PTPRS: variants seen among roughly 807,000 people sequenced by gnomAD.
PTPRS encodes the protein protein tyrosine phosphatase receptor type S, also known as receptor-type tyrosine-protein phosphatase S.
In PTPRS, 63 loss-of-function variants were observed where a neutral mutation model predicts 215.3. The observed-to-expected ratio is 0.29, with a 90% CI of 0.24 to 0.36. The LOEUF (loss-of-function observed/expected upper bound fraction) is 0.36, where lower values mean the gene tolerates loss of function less well. Among genes scored for constraint, PTPRS ranks in the 10% least tolerant of loss-of-function variants. PTPRS has a pLI of 1.00. For synonymous variants in PTPRS, 1,404 were observed against 1,191.4 expected (o/e 1.18, Z -3.68); for missense variants, 2,258 against 2,825.8 (o/e 0.80, Z 4.56).
At chr19:5,298,447 CA>C (rs540547501) in intron 1 of PTPRS, among the ~76,000 whole-genome samples, 88 of 152,374 alleles carry the variant, frequency 5.8e-4, no homozygotes, top group African/African-American at 1.9e-3. Context: ...CCAAAACCCC[CA>C]GACATTTCAT....
intron 4 of PTPRS, among the ~76,000 whole-genome samples, chr19:5,267,740 C>T (rs1034863): frequency 0.18 from 25,864 of 139,902 alleles, 3,274 homozygotes; most frequent in African/African-American, 0.36. Context: ...TCCACTCCAA[C>T]GGACAAGTGA....
intron 1 of PTPRS, among the ~76,000 whole-genome samples, chr19:5,324,875 T>G (rs2050129158): frequency 6.6e-6 from 1 of 152,148 alleles, no homozygotes; most frequent in Non-Finnish European, 1.5e-5. Context: ...ACTTCGAGTC[T>G]GGGGTCTCTG....
chr19:5,305,283 T>C (rs1295201744), intron 1 of PTPRS, among the ~76,000 whole-genome samples: 3 of 152,146 alleles, frequency 2.0e-5, no homozygotes, highest in Non-Finnish European at 4.4e-5. Context: ...TGGTGGCTCA[T>C]GCCTGTGATC....
In PTPRS at chr19:5,262,104, G is replaced by A. The variant is rs1372483557; in HGVS notation, c.577+860C>T. 5.9e-5 allele frequency among the ~76,000 whole-genome samples: 9 copies of A among 152,174 alleles called. No homozygotes were observed. In the South Asian group the frequency reaches 1.2e-3, roughly 21 times the overall value. Reference sequence around the variant, plus strand: ...AGCCTGGCCAACATGGTGAAACCCCGTCTCTACTAAAAATACAAAAATTAG... The same window carrying A: ...AGCCTGGCCAACATGGTGAAACCCCATCTCTACTAAAAATACAAAAATTAG... On this transcript the variant is annotated intron_variant, in intron 6 of 37. Transcript: ENST00000262963.
chr19:5,307,663 T>C (rs2049543076), intron 1 of PTPRS, among the ~76,000 whole-genome samples: 2 of 152,238 alleles, frequency 1.3e-5, no homozygotes. Context: ...ACGAGCCGTA[T>C]GTGGCTGTTT....
At position 5,223,209 on chromosome 19, in the gene PTPRS, G is replaced by C; in HGVS notation, c.2583C>G (p.Asp861Glu). ...ACTGCAGGCGGTAGCCCAGCACCTG[G>C]TCCTCCGCGGTGCCAGCCGGGGGCT... Reference protein sequence around the residue: ...RWEPPAGTAEDQVLGYRLQFG... With the variant: ...RWEPPAGTAEEQVLGYRLQFG... The change falls in exon 18 of 38, where the codon GAC (aspartate) becomes GAG (glutamate). Residue 861 changes from aspartate to glutamate, a missense_variant. By Grantham distance (45) the Asp-to-Glu change is conservative (BLOSUM62 2). Around this residue, in one of 6 missense-constraint regions of PTPRS, gnomAD observed 361 missense variants for 332.6 expected, o/e 1.09. Coordinates refer to ENST00000262963, the MANE Select transcript of PTPRS (RefSeq NM_002850.4). The C allele has an allele frequency of 6.6e-7, 1 of 1,516,268 alleles. No individual in the cohort carries two copies. 93.9% of individuals were successfully genotyped at this position (1,516,268 alleles called of 1,614,324 possible).
intron 16 of PTPRS, 48 bp downstream of exon 16, chr19:5,229,268 C>T: frequency 2.2e-6 from 3 of 1,364,368 alleles, no homozygotes; most frequent in South Asian, 2.2e-5. Flanking sequence ...ACAGCACGGC[C>T]CGCGGGAAGC....
At chr19:5,229,983 C>T (rs1293816365) in intron 14 of PTPRS, among the ~76,000 whole-genome samples, 1 of 152,008 alleles carries the variant, frequency 6.6e-6, no homozygotes, top group Admixed American at 6.6e-5. Flanking sequence ...CCATCCTCAT[C>T]ATAACCCTGC....
chr19:5,262,909 G>T, intron 6 of PTPRS, 55 bp downstream of exon 6: 2 of 1,524,840 alleles, frequency 1.3e-6, no homozygotes, highest in East Asian at 2.3e-5. Context: ...GGAGCAGAAG[G>T]GGCACAAAGG....
chr19:5,219,111 C>G (rs1430574877), intron 23 of PTPRS, 199 bp downstream of exon 23: 1 of 740,756 alleles, frequency 1.3e-6, no homozygotes, highest in Non-Finnish European at 2.2e-6. Context: ...AGAAGCCAAG[C>G]CACTGGCCTG....
At chr19:5,303,635 T>C (rs999685889) in intron 1 of PTPRS, among the ~76,000 whole-genome samples, 1 of 151,182 alleles carries the variant, frequency 6.6e-6, no homozygotes, top group Non-Finnish European at 1.5e-5. Flanking sequence ...GCAGAGTGAG[T>C]GAGCAGGGGC....
intron 1 of PTPRS, among the ~76,000 whole-genome samples, chr19:5,328,911 G>A (rs1002733626): frequency 2.6e-5 from 4 of 152,148 alleles, no homozygotes; most frequent in Non-Finnish European, 4.4e-5. Context: ...GTGAGCTGCC[G>A]AGGCAGGGCT....
At chr19:5,220,951 G>C in intron 20 of PTPRS, 49 bp downstream of exon 20, 1 of 1,561,880 alleles carries the variant, frequency 6.4e-7, no homozygotes, top group Non-Finnish European at 8.7e-7. Context: ...CAGCCATATA[G>C]TAGGCTGATG....
chr19:5,302,807 C>T (rs1392689762), intron 1 of PTPRS, among the ~76,000 whole-genome samples: 1 of 151,426 alleles, frequency 6.6e-6, no homozygotes, highest in Non-Finnish European at 1.5e-5. Context: ...CCTGTAATCC[C>T]AGCACTTTGG....
rs1405091584 is a variant in PTPRS at position 5,244,168 on chromosome 19, C to T, written c.1303G>A (p.Ala435Thr). The change falls in exon 11 of 38, where the codon GCC becomes ACC. Residue 435 changes from alanine to threonine, a missense_variant. By Grantham distance (58) the Ala-to-Thr change is moderately conservative (BLOSUM62 0). Around this residue, in one of 6 missense-constraint regions of PTPRS, gnomAD observed 508 missense variants for 799.4 expected, o/e 0.64. Coordinates refer to ENST00000262963, the MANE Select transcript of PTPRS (RefSeq NM_002850.4). The surrounding 1 kb of genome is among the most constrained non-coding windows in gnomAD (Gnocchi z 7.2). ...ATGGTGGTCGCGCTGAGCATCCGGG[C>T]TTGCACGTTCCGCGGCGCGCTGGCC... ...APASAPRNVQARMLSATTMIV... is the reference protein window; with the variant it reads ...APASAPRNVQTRMLSATTMIV... 18 of 1,600,070 alleles carry T rather than the reference C, an allele frequency of 1.1e-5. No homozygotes were observed. The highest frequency in any genetic ancestry group is 2.2e-5 in the East Asian group (1 of 44,728).
intron 37 of PTPRS, among the ~76,000 whole-genome samples, chr19:5,207,121 G>T (rs2040430978): frequency 6.6e-6 from 1 of 152,234 alleles, no homozygotes; most frequent in South Asian, 2.1e-4. Context: ...GTCTCGCTGT[G>T]TTGCCCAGGC....
rs534373091 is a variant in PTPRS at position 5,210,841 on chromosome 19, G to A, written c.5235-36C>T. On this transcript the variant is annotated intron_variant, in intron 33 of 37. Transcript: ENST00000262963. This position sits in a 1 kb window ranked among gnomAD's most constrained non-coding sequence, Gnocchi z 4.5. ...TGGGGGTATGAGCCCAGGGCCGGCAGGGAGACCCGGCGTGGTACTCACCTG... is the reference window on the plus strand; with the variant it reads ...TGGGGGTATGAGCCCAGGGCCGGCAAGGAGACCCGGCGTGGTACTCACCTG... The A allele has an allele frequency of 1.2e-6, 2 of 1,603,344 alleles. No individual in the cohort carries two copies. Among genetic ancestry groups the A allele is most frequent in the South Asian group, 2.2e-5 (2 of 89,940 alleles).
At chr19:5,260,640 A>C (rs2045915494) in intron 7 of PTPRS, among the ~76,000 whole-genome samples, 165 bp downstream of exon 7, 1 of 152,112 alleles carries the variant, frequency 6.6e-6, no homozygotes, top group Non-Finnish European at 1.5e-5. Flanking sequence ...CTGGCCACAG[A>C]CACAGACACA....
Position 5,240,280 on chromosome 19 carries a change from G to C in PTPRS, c.1623C>G (p.Ile541Met), listed in dbSNP as rs778519343. Reference protein sequence around the residue: ...LRAEARSETSITLSWSPPRQE... With the variant: ...LRAEARSETSMTLSWSPPRQE... ...GCCGCGGGGGGCTCCAGGACAGCGT[G>C]ATGCTGGTCTCCGACCTGGCCTCGG... Residue 541 changes from isoleucine to methionine, a missense_variant, in exon 12 of 38, where the codon ATC becomes ATG. By Grantham distance (10) the Ile-to-Met change is conservative (BLOSUM62 1). Transcript: ENST00000262963. 14 of 1,600,192 alleles carry C rather than the reference G, an allele frequency of 8.7e-6. No homozygotes were observed. Among genetic ancestry groups the C allele is most frequent in the Non-Finnish European group, 1.2e-5 (14 of 1,174,822 alleles).
Sources: gnomAD v4.1 joint callset for allele counts (sites outside exome capture counted in the v4.1 genomes callset) on GRCh38, gnomAD v4.1.1 for gene constraint, gnomAD v4.1.1 regional missense constraint, Gnocchi (gnomAD v3.1) non-coding constraint, MANE v1.5 for transcripts, NCBI Gene and HGNC (gene_info 2026-07-23, HGNC 2026-07-21) for gene names.